GDA: variants seen among roughly 807,000 people sequenced by gnomAD.
GDA encodes cytoplasmic PSD-95 interactor.
GDA carries 18 observed loss-of-function variants against 59.6 expected under a neutral mutation model. The observed-to-expected ratio is 0.30, with a 90% confidence interval of 0.21 to 0.45. GDA has a LOEUF of 0.45. Among genes scored for constraint, GDA ranks in the 20% least tolerant of loss-of-function variants. The pLI is 1.00. For missense variants in GDA, 427 were observed against 552.3 expected (o/e 0.77, Z 2.27); for synonymous variants, 201 against 201.1 (o/e 1.00, Z 0.00).
intron 9 of GDA, 90 bp from the exon 10 acceptor site, chr9:72,231,024 T>A (rs1838274663): frequency 1.2e-6 from 1 of 806,214 alleles, no homozygotes; most frequent in African/African-American, 1.7e-5. Flanking sequence ...GAAGCACAAT[T>A]TTCAGTGGCA....
rs116900440 is a variant in GDA at position 72,142,340 on chromosome 9, G to A, written c.-100+27507G>A. Among the ~76,000 whole-genome samples the A allele has an allele frequency of 9.4e-4, 143 of 152,212 alleles. No individual in the cohort carries two copies. In the East Asian group the frequency reaches 0.021, roughly 23 times the overall value. ...ATAAAGAAGTATGGAAACTGGCCGGGTGCGGTAGCTCATACCTGTAATCCT... is the reference window on the plus strand; with the variant it reads ...ATAAAGAAGTATGGAAACTGGCCGGATGCGGTAGCTCATACCTGTAATCCT... On this transcript the variant is annotated intron_variant, in intron 1 of 13. Coordinates refer to the GDA transcript ENST00000545168.
At chr9:72,205,281 G>A (rs1834556178) in intron 3 of GDA, among the ~76,000 whole-genome samples, 1 of 152,134 alleles carries the variant, frequency 6.6e-6, no homozygotes, top group South Asian at 2.1e-4. Context: ...AGCCTACTCA[G>A]TGGGATGAGC....
chr9:72,220,392 A>G (rs1200407467), intron 6 of GDA, among the ~76,000 whole-genome samples: 1 of 152,148 alleles, frequency 6.6e-6, no homozygotes, highest in East Asian at 1.9e-4. Context: ...CAAACATCAA[A>G]CTTGCTTTAT....
intron 1 of GDA, among the ~76,000 whole-genome samples, chr9:72,154,665 G>A (rs1333050189): frequency 1.3e-5 from 2 of 152,202 alleles, no homozygotes; most frequent in African/African-American, 2.4e-5. Flanking sequence ...ACTTGACAAT[G>A]TCATTATTTC....
chr9:72,200,170 G>A lies in GDA; in HGVS notation c.213-2401G>A, dbSNP rs1037495355. 2.0e-5 allele frequency among the ~76,000 whole-genome samples: 3 copies of A among 151,690 alleles called. No homozygotes were observed. The East Asian group carries it at 5.8e-4, about 29-fold the overall frequency. ...CTGCCACCACGCCTGGCTAATTTTT[G>A]TATTTTTAGTAGAGATGGGGTTTCA... On this transcript the variant is annotated intron_variant, in intron 2 of 13. Transcript: ENST00000358399.
intron 1 of GDA, among the ~76,000 whole-genome samples, chr9:72,122,755 A>G (rs1420465008): frequency 3.9e-5 from 6 of 152,062 alleles, no homozygotes; most frequent in East Asian, 1.9e-4. Context: ...ACTGATGACA[A>G]TGGAATCAGG....
At chr9:72,136,863 T>TAC (rs1826242995) in intron 1 of GDA, among the ~76,000 whole-genome samples, 1 of 152,052 alleles carries the variant, frequency 6.6e-6, no homozygotes, top group Non-Finnish European at 1.5e-5. Context: ...TAGTCCCAGC[T>TAC]ACCCGGGAGG....
chr9:72,248,482 A>C lies in GDA; in HGVS notation c.*140A>C. On this transcript the variant is annotated 3_prime_UTR_variant, in exon 14 of 14. Coordinates refer to ENST00000358399, the MANE Select transcript of GDA (RefSeq NM_004293.5). ...CTTTCTGTGTCTAGTTACAGTATTC[A>C]CTTGACAAATAGTTCGAAGGAAGTT... 2.0e-6 allele frequency: 3 copies of C among 1,466,592 alleles called. No individual in the cohort carries two copies. The highest frequency in any genetic ancestry group is 1.8e-6 in the Non-Finnish European group (2 of 1,107,962). The allele number at this position is 1,466,592 out of a possible 1,614,324, so 90.8% of individuals were successfully genotyped here.
intron 9 of GDA, chr9:72,228,322 A>G (rs1587729650): frequency 2.9e-6 from 1 of 344,422 alleles, no homozygotes; most frequent in Non-Finnish European, 5.4e-6. Context: ...ATTTACAGTG[A>G]AAGTACTGAA....
intron 1 of GDA, among the ~76,000 whole-genome samples, chr9:72,175,373 G>A (rs1409874222): frequency 6.6e-6 from 1 of 152,174 alleles, no homozygotes; most frequent in Non-Finnish European, 1.5e-5. Context: ...AGATGTGTCA[G>A]AGGTTTCTGG....
intron 1 of GDA, among the ~76,000 whole-genome samples, chr9:72,165,409 C>G (rs191349810): frequency 3.3e-5 from 5 of 152,054 alleles, no homozygotes; most frequent in Non-Finnish European, 7.4e-5. Context: ...TACAGGATAC[C>G]AGCAGTGAAA....
chr9:72,158,503 G>A (rs1026670728), intron 1 of GDA, among the ~76,000 whole-genome samples: 2 of 151,706 alleles, frequency 1.3e-5, no homozygotes, highest in Non-Finnish European at 2.9e-5. Flanking sequence ...TGAGGCAGGA[G>A]AATCCCTTGA....
At position 72,120,191 on chromosome 9, in the gene GDA, C is replaced by CTTTTT. The variant is rs202118778; in HGVS notation, c.-100+5368_-100+5372dup. Among the ~76,000 whole-genome samples, 18 of 145,240 alleles carry CTTTTT rather than the reference C, an allele frequency of 1.2e-4. No homozygotes were observed. The South Asian group carries it at 2.0e-3, about 16-fold the overall frequency. On this transcript the variant is annotated intron_variant, in intron 1 of 13. Coordinates refer to the GDA transcript ENST00000545168. ...AATTTTCCCAAAGAGATGCAGCATT[C>CTTTTT]TTTTTTTTTTTTTTGAGATAGAGTC... is the stretch of plus-strand genomic sequence containing the variant.
downstream of GDA, among the ~76,000 whole-genome samples, chr9:72,253,815 T>C (rs1056887951): frequency 1.3e-5 from 2 of 152,134 alleles, no homozygotes; most frequent in Admixed American, 1.3e-4. Context: ...AATTATTGCA[T>C]GGTACTAAAT....
intron 2 of GDA, among the ~76,000 whole-genome samples, chr9:72,200,666 G>C (rs1159216092): frequency 6.6e-6 from 1 of 152,184 alleles, no homozygotes; most frequent in Non-Finnish European, 1.5e-5. Context: ...TTTTATGACG[G>C]GAGAGAAAGC....
intron 1 of GDA, among the ~76,000 whole-genome samples, chr9:72,115,759 A>C (rs1384691800): frequency 6.6e-6 from 1 of 152,216 alleles, no homozygotes; most frequent in Non-Finnish European, 1.5e-5. Flanking sequence ...ATCCTAAGTA[A>C]ACTGCTGATC....
At chr9:72,135,879 G>A (rs1432934372) in intron 1 of GDA, among the ~76,000 whole-genome samples, 1 of 151,956 alleles carries the variant, frequency 6.6e-6, no homozygotes, top group Non-Finnish European at 1.5e-5. Flanking sequence ...CCAAAGTGCT[G>A]GGATTACAGG....
intron 3 of GDA, 149 bp downstream of exon 3, chr9:72,202,891 A>C: frequency 4.2e-6 from 2 of 477,682 alleles, no homozygotes; most frequent in Non-Finnish European, 7.2e-6. Flanking sequence ...CAGTCCAGTG[A>C]GTTTGTGACC....
chr9:72,123,237 G>T (rs1431469035), intron 1 of GDA, among the ~76,000 whole-genome samples: 2 of 143,212 alleles, frequency 1.4e-5, no homozygotes, highest in Non-Finnish European at 3.0e-5. Flanking sequence ...AGGCTGGAGT[G>T]CAGTGGCGCG....
Sources: gnomAD v4.1 joint callset for allele counts (sites outside exome capture counted in the v4.1 genomes callset) on GRCh38, gnomAD v4.1.1 for gene constraint, MANE v1.5 for transcripts, NCBI Gene and HGNC (gene_info 2026-07-23, HGNC 2026-07-21) for gene names.